Variants in AGBL1 observed in about 807,000 individuals in gnomAD.
AGBL1 encodes AGBL carboxypeptidase 1, also known as cytosolic carboxypeptidase 4.
In AGBL1, 130 loss-of-function variants were observed where a neutral mutation model predicts 118.9. The observed-to-expected ratio is 1.09, with a 90% CI of 0.95 to 1.26. The LOEUF (loss-of-function observed/expected upper bound fraction) is 1.26. Among genes scored for constraint, AGBL1 ranks in the 50% most tolerant of loss-of-function variants. AGBL1 has a pLI of 0.00. For synonymous variants in AGBL1, 555 were observed against 478.9 expected, an observed-to-expected ratio of 1.16 and a Z score of -2.08; for missense variants, 1,584 against 1,298.1, an observed-to-expected ratio of 1.22 and a Z score of -3.38.
At chr15:86,674,135 G>A (rs936307100) in intron 21 of AGBL1, 138 bp from the exon 22 acceptor site, 17 of 849,482 alleles carry the variant, frequency 2.0e-5, no homozygotes, top group African/African-American at 1.4e-4. Flanking sequence ...GAATGTAATG[G>A]ACAGTGACTG....
At chr15:86,829,537 A>G (rs1373653769) in intron 22 of AGBL1, among the ~76,000 whole-genome samples, 1 of 152,198 alleles carries the variant, frequency 6.6e-6, no homozygotes, top group Non-Finnish European at 1.5e-5. Flanking sequence ...CTTCTATGGA[A>G]GAGAACCACT....
At chr15:86,675,659 T>G (rs780742855) in intron 22 of AGBL1, among the ~76,000 whole-genome samples, 19 of 152,150 alleles carry the variant, frequency 1.2e-4, no homozygotes, top group Non-Finnish European at 2.8e-4. Context: ...GTTTTCAGAC[T>G]CTCCCTCTGA....
At chr15:86,141,452 C>T (rs561722940) in intron 1 of AGBL1, among the ~76,000 whole-genome samples, 63 of 152,264 alleles carry the variant, frequency 4.1e-4, no homozygotes, top group Middle Eastern at 3.4e-3. Context: ...GAGATTGAGA[C>T]CATCCTAGCT....
chr15:86,882,790 A>T (rs2079914563), intron 22 of AGBL1, among the ~76,000 whole-genome samples: 1 of 152,190 alleles, frequency 6.6e-6, no homozygotes, highest in African/African-American at 2.4e-5. Flanking sequence ...AATCCTCCTA[A>T]GTCTGAGAGG....
chr15:86,861,281 T>A (rs982636293), intron 22 of AGBL1, among the ~76,000 whole-genome samples: 3 of 152,148 alleles, frequency 2.0e-5, no homozygotes, highest in Non-Finnish European at 4.4e-5. Context: ...GAACTAGATA[T>A]GATACCTGCC....
chr15:86,200,682 T>C (rs2077893443), intron 5 of AGBL1, among the ~76,000 whole-genome samples: 1 of 151,502 alleles, frequency 6.6e-6, no homozygotes, highest in South Asian at 2.1e-4. Context: ...AATGGCGCGA[T>C]CTCGGCTCAC....
chr15:86,838,510 G>C (rs567332028), intron 22 of AGBL1, among the ~76,000 whole-genome samples: 1 of 152,132 alleles, frequency 6.6e-6, no homozygotes, highest in African/African-American at 2.4e-5. Context: ...CTGTCTGTCC[G>C]TGGTGACATT....
chr15:86,169,099 A>G (rs2077380081), intron 5 of AGBL1, among the ~76,000 whole-genome samples: 1 of 152,226 alleles, frequency 6.6e-6, no homozygotes, highest in Non-Finnish European at 1.5e-5. Context: ...ATTGCAGTGC[A>G]GGGACAATGA....
At position 87,009,375 on chromosome 15, in the gene AGBL1, G is replaced by C. The variant is rs552929422; in HGVS notation, c.3324-19450G>C. Among the ~76,000 whole-genome samples the C allele has an allele frequency of 3.5e-3, 529 of 152,348 alleles. 3 individuals are homozygous for C. Among genetic ancestry groups the C allele is most frequent in the Middle Eastern group, 6.8e-3 (2 of 294 alleles). On this transcript the variant is annotated intron_variant, in intron 24 of 24. Coordinates refer to the AGBL1 transcript ENST00000441037. The stretch of plus-strand genomic sequence containing the variant: ...TGTGAGTACACAGAAGTCAAGAATT[G>C]AGGTTTGGGATCCTCTGCCTAGATT...
intron 22 of AGBL1, among the ~76,000 whole-genome samples, chr15:86,735,186 A>G (rs886661449): frequency 4.6e-5 from 7 of 151,970 alleles, no homozygotes; most frequent in Non-Finnish European, 1.0e-4. Flanking sequence ...GGTTTCAGAG[A>G]TTCTCCTGCC....
chr15:86,940,060 C>CTTTTTTTTTTTTTTTTT (rs5814267), intron 23 of AGBL1, among the ~76,000 whole-genome samples: 1 of 59,418 alleles, frequency 1.7e-5, no homozygotes, highest in Non-Finnish European at 3.1e-5. Context: ...TTTGGTAGTC[C>CTTTTTTTTTTTTTTTTT]TTTTTTTTTT....
At chr15:86,086,490 A>C (rs1318564725) in intron 1 of AGBL1, 1 of 152,194 alleles carries the variant, frequency 6.6e-6, no homozygotes, top group East Asian at 1.9e-4. Flanking sequence ...GAAAAAGATG[A>C]TATGAGACAA....
chr15:86,956,290 TATAG>T (rs1389575273), intron 23 of AGBL1, among the ~76,000 whole-genome samples: 9 of 151,608 alleles, frequency 5.9e-5, no homozygotes, highest in East Asian at 1.9e-4. Flanking sequence ...TGATGGATGA[TATAG>T]ATAGATATAG....
At chr15:86,635,526 G>A (rs928127293) in intron 21 of AGBL1, among the ~76,000 whole-genome samples, 11 of 151,806 alleles carry the variant, frequency 7.2e-5, no homozygotes, top group Non-Finnish European at 1.2e-4. Flanking sequence ...AACAGACTCA[G>A]CTCAACAAGT....
intron 9 of AGBL1, among the ~76,000 whole-genome samples, chr15:86,262,243 A>C (rs1036216437): frequency 6.6e-6 from 1 of 151,624 alleles, no homozygotes; most frequent in South Asian, 2.1e-4. Context: ...TAACTTATTC[A>C]TTTGTTTACT....
chr15:86,941,160 C>T (rs1383057907), intron 23 of AGBL1, among the ~76,000 whole-genome samples: 1 of 152,184 alleles, frequency 6.6e-6, no homozygotes, highest in African/African-American at 2.4e-5. Context: ...GAGACTGTGA[C>T]ATTTACAAGA....
chr15:86,211,381 C>T (rs139804157), intron 5 of AGBL1, among the ~76,000 whole-genome samples: 156 of 152,336 alleles, frequency 1.0e-3, no homozygotes, highest in Non-Finnish European at 1.6e-3. Context: ...AGCTGTCAGA[C>T]AGGGACATTT....
At chr15:86,195,308 C>T (rs1400203188) in intron 5 of AGBL1, among the ~76,000 whole-genome samples, 2 of 152,078 alleles carry the variant, frequency 1.3e-5, no homozygotes, top group Non-Finnish European at 2.9e-5. Context: ...TTCTGACTGG[C>T]TGAATTTGCA....
intron 1 of AGBL1, among the ~76,000 whole-genome samples, chr15:86,092,291 T>C (rs1896084193): frequency 1.3e-5 from 2 of 152,102 alleles, no homozygotes; most frequent in South Asian, 2.1e-4. Context: ...TTTGAGTAAA[T>C]ACATGAACAA....
Sources: gnomAD v4.1 joint callset for allele counts (sites outside exome capture counted in the v4.1 genomes callset) on GRCh38, gnomAD v4.1.1 for gene constraint, MANE v1.5 for transcripts, NCBI Gene and HGNC (gene_info 2026-07-23, HGNC 2026-07-21) for gene names.